The following RICTOR variants were observed in gnomAD, a reference collection of about 807,000 sequenced individuals.
RICTOR encodes rapamycin-insensitive companion of mTOR.
In RICTOR, 49 loss-of-function variants were observed where a neutral mutation model predicts 214.9. The observed-to-expected ratio is 0.23, with a 90% confidence interval of 0.18 to 0.29. RICTOR has a LOEUF of 0.29. Ranked by LOEUF, RICTOR falls within the 10% of genes least tolerant of loss-of-function variation. The probability of loss-of-function intolerance (pLI) is 1.00; values close to 1 mark genes in which losing one functional copy is unlikely to be tolerated. For synonymous variants in RICTOR, 717 were observed against 711.3 expected (o/e 1.01, Z -0.13); for missense variants, 1,625 against 2,047.0 (o/e 0.79, Z 3.98).
chr5:39,001,043 A>G (rs1489935607), intron 5 of RICTOR, among the ~76,000 whole-genome samples: 2 of 152,066 alleles, frequency 1.3e-5, no homozygotes, highest in Non-Finnish European at 1.5e-5. Context: ...ATTAATCTAG[A>G]GCATCAATGC....
chr5:38,949,632 TA>T, intron 31 of RICTOR, 79 bp downstream of exon 31: 1 of 1,323,564 alleles, frequency 7.6e-7, no homozygotes, highest in Non-Finnish European at 1.1e-6. Flanking sequence ...TCACATAGTG[TA>T]AAACCTGGCT....
intron 9 of RICTOR, 44 bp downstream of exon 9, chr5:38,978,539 C>T (rs1156902386): frequency 2.1e-6 from 2 of 962,342 alleles, no homozygotes; most frequent in Non-Finnish European, 3.2e-6. Context: ...TTAGTATTAA[C>T]ATATACATTA....
chr5:38,955,372 C>A (rs1361016831), intron 26 of RICTOR, among the ~76,000 whole-genome samples: 1 of 151,892 alleles, frequency 6.6e-6, no homozygotes, highest in African/African-American at 2.4e-5. Flanking sequence ...GTAAGAGAAT[C>A]TAGGCCTAGA....
At chr5:38,974,040 A>G (rs1751002311) in intron 10 of RICTOR, among the ~76,000 whole-genome samples, 1 of 151,610 alleles carries the variant, frequency 6.6e-6, no homozygotes, top group African/African-American at 2.4e-5. Context: ...GAAGACTCCC[A>G]CCCCTCTAAG....
At chr5:39,060,937 G>A (rs1267402272) in intron 2 of RICTOR, among the ~76,000 whole-genome samples, 1 of 151,844 alleles carries the variant, frequency 6.6e-6, no homozygotes, top group African/African-American at 2.4e-5. Context: ...GTTAGGCATC[G>A]CCCCATTTTC....
intron 11 of RICTOR, among the ~76,000 whole-genome samples, chr5:38,969,058 C>A (rs1750492289): frequency 6.7e-6 from 1 of 149,464 alleles, no homozygotes; most frequent in African/African-American, 2.5e-5. Context: ...TAACCTCCAC[C>A]TCCCGGGTTC....
At chr5:39,066,020 A>G (rs2150213880) in intron 2 of RICTOR, among the ~76,000 whole-genome samples, 1 of 152,176 alleles carries the variant, frequency 6.6e-6, no homozygotes, top group Admixed American at 6.5e-5. Flanking sequence ...CCCACTGGGG[A>G]CTCTGGGGGG....
chr5:39,056,934 C>A (rs569057076), intron 2 of RICTOR, among the ~76,000 whole-genome samples: 1 of 152,024 alleles, frequency 6.6e-6, no homozygotes, highest in Non-Finnish European at 1.5e-5. Context: ...GTAGAGGTAG[C>A]CAGGGACTAG....
At chr5:39,002,469 A>T (rs1753720092) in intron 5 of RICTOR, 66 bp downstream of exon 5, 1 of 1,027,538 alleles carries the variant, frequency 9.7e-7, no homozygotes, top group Non-Finnish European at 1.5e-6. Context: ...TATACACTTT[A>T]TGGCAGGCAT....
At chr5:38,974,249 C>T (rs1579965250) in intron 10 of RICTOR, among the ~76,000 whole-genome samples, 1 of 151,912 alleles carries the variant, frequency 6.6e-6, no homozygotes, top group South Asian at 2.1e-4. Flanking sequence ...AGGGCTTCAC[C>T]ATGTTGGCCA....
chr5:38,984,266 CAA>C (rs1751970097), intron 7 of RICTOR, among the ~76,000 whole-genome samples: 1 of 152,086 alleles, frequency 6.6e-6, no homozygotes, highest in Non-Finnish European at 1.5e-5. Context: ...TTTTGTATTT[CAA>C]ATCTTTGAGT....
intron 7 of RICTOR, among the ~76,000 whole-genome samples, chr5:38,983,190 A>C (rs1401852371): frequency 6.6e-6 from 1 of 152,168 alleles, no homozygotes; most frequent in African/African-American, 2.4e-5. Flanking sequence ...CAATTTGACA[A>C]ATTCAAAAGT....
intron 15 of RICTOR, among the ~76,000 whole-genome samples, chr5:38,965,701 T>G (rs1471951640): frequency 2.0e-5 from 3 of 152,054 alleles, no homozygotes; most frequent in Admixed American, 6.5e-5. Context: ...AGCAAGCAGC[T>G]AAATAATTCA....
chr5:39,009,545 T>C (rs575107615), intron 3 of RICTOR, among the ~76,000 whole-genome samples: 191 of 150,836 alleles, frequency 1.3e-3, no homozygotes, highest in Non-Finnish European at 2.0e-3. Flanking sequence ...CACAATATAT[T>C]TGTTATTAAT....
intron 32 of RICTOR, 112 bp downstream of exon 32, chr5:38,947,152 A>G: frequency 1.4e-6 from 1 of 734,338 alleles, no homozygotes; most frequent in Non-Finnish European, 2.3e-6. Context: ...CTTAAAAATC[A>G]TGCTGCCCCA....
In RICTOR at chr5:39,014,007, G is replaced by T. The variant is rs932248718; in HGVS notation, c.195+7032C>A. On this transcript the variant is annotated intron_variant, in intron 3 of 37. Coordinates refer to ENST00000357387, the MANE Select transcript of RICTOR (RefSeq NM_152756.5). Reference sequence around the variant, plus strand: ...TATATTTTTACTGTATCTTTTCTATGTTTAGACACTTACCATTGTGTTAAA... The same window carrying T: ...TATATTTTTACTGTATCTTTTCTATTTTTAGACACTTACCATTGTGTTAAA... 5.9e-5 allele frequency among the ~76,000 whole-genome samples: 9 copies of T among 152,124 alleles called. No individual in the cohort carries two copies. The East Asian group carries it at 1.7e-3, about 29-fold the overall frequency.
At chr5:39,059,968 T>C (rs2150203294) in intron 2 of RICTOR, among the ~76,000 whole-genome samples, 1 of 152,182 alleles carries the variant, frequency 6.6e-6, no homozygotes, top group East Asian at 1.9e-4. Context: ...AAAGGCAGGA[T>C]CAAGATTCAA....
rs770518141 is a variant in RICTOR at position 38,950,535 on chromosome 5, G to A, written c.3313C>T (p.Pro1105Ser). The A allele has an allele frequency of 6.2e-7, 1 of 1,612,800 alleles. No homozygotes were observed. The highest frequency in any genetic ancestry group is 1.7e-5 in the Admixed American group (1 of 59,836). ...KNRILNSLTLPNKKHRSSSDP... is the reference protein window; with the variant it reads ...KNRILNSLTLSNKKHRSSSDP... ...CTGCTACTACGATGTTTTTTGTTAG[G>A]CAAAGTAAGCGAATTTAAGATACGA... Residue 1105 changes from proline to serine, a missense_variant, in exon 31 of 38, where the codon CCT becomes TCT. Physicochemically the swap from Pro to Ser is moderately conservative, Grantham distance 74. Coordinates refer to ENST00000357387, the MANE Select transcript of RICTOR (RefSeq NM_152756.5).
intron 16 of RICTOR, among the ~76,000 whole-genome samples, chr5:38,963,574 T>C (rs1473650840): frequency 1.3e-5 from 2 of 152,000 alleles, no homozygotes; most frequent in Non-Finnish European, 2.9e-5. Flanking sequence ...AGTGCCACTT[T>C]CAAGAATTTG....
Sources: allele counts gnomAD v4.1 joint callset (sites outside exome capture counted in the v4.1 genomes callset), GRCh38; gene constraint gnomAD v4.1.1; transcripts MANE v1.5; gene names NCBI Gene and HGNC (gene_info 2026-07-23, HGNC 2026-07-21).